The following CXCR2 variants were observed in gnomAD, a reference collection of about 807,000 sequenced individuals.
CXCR2 encodes the protein C-X-C chemokine receptor type 2.
CXCR2 carries 2 observed loss-of-function variants against 3.7 expected under a neutral mutation model. That is an observed-to-expected ratio of 0.55 (90% CI 0.22 to 1.72). The LOEUF is 1.72. CXCR2 is among the 40% of genes most tolerant of loss of function. The pLI, the probability that CXCR2 is intolerant of heterozygous loss-of-function variation, is 0.19. For missense variants in CXCR2, 351 were observed against 450.1 expected (o/e 0.78, Z 1.99); for synonymous variants, 203 against 193.3 (o/e 1.05, Z -0.41).
At chr2:218,133,583 G>A (rs558097370) in intron 2 of CXCR2, among the ~76,000 whole-genome samples, 1 of 152,194 alleles carries the variant, frequency 6.6e-6, no homozygotes, top group African/African-American at 2.4e-5. Flanking sequence ...ACAGGTGTGA[G>A]CCACCACTGG....
chr2:218,128,457 G>T (rs1208460236), intron 1 of CXCR2, among the ~76,000 whole-genome samples: 1 of 152,158 alleles, frequency 6.6e-6, no homozygotes, highest in Non-Finnish European at 1.5e-5. Flanking sequence ...TTGAGGTGTT[G>T]TTCACTGGGG....
In CXCR2 at chr2:218,135,743, C is replaced by G; in HGVS notation, c.942C>G (p.Tyr314Ter). The G allele has an allele frequency of 6.2e-7, 1 of 1,614,078 alleles. No homozygotes were observed. Among genetic ancestry groups the G allele is most frequent in the Non-Finnish European group, 8.5e-7 (1 of 1,180,006 alleles). The change falls in exon 3 of 3, where the codon TAC becomes TAG. Residue 314 changes from tyrosine to a stop codon, truncating the protein, a stop_gained. Transcript: ENST00000318507. LOFTEE classifies it high-confidence loss of function. The surrounding 1 kb of genome is among the most constrained non-coding windows in gnomAD (Gnocchi z 4.0). ...ILHSCLNPLI[Y>*]AFIGQKFRHG... ...ACAGCTGCCTCAACCCCCTCATCTA[C>G]GCCTTCATTGGCCAGAAGTTTCGCC...
At position 218,137,231 on chromosome 2, in the gene CXCR2, C is replaced by T. The variant is rs992741558; in HGVS notation, c.*1347C>T. Reference sequence around the variant, plus strand: ...CATTCAATATCTTTTTTTTAATAAACCATTTTTACTTGGGTGTTTATATTA... The same window carrying T: ...CATTCAATATCTTTTTTTTAATAAATCATTTTTACTTGGGTGTTTATATTA... On this transcript the variant is annotated 3_prime_UTR_variant, in exon 3 of 3. Coordinates refer to ENST00000318507, the MANE Select transcript of CXCR2 (RefSeq NM_001557.4). 1 of 166,786 alleles carries T rather than the reference C, an allele frequency of 6.0e-6. No individual in the cohort carries two copies. Among genetic ancestry groups the T allele is most frequent in the Non-Finnish European group, 1.5e-5 (1 of 68,048 alleles). 10.3% of individuals were successfully genotyped at this position (166,786 alleles called of 1,614,324 possible).
At chr2:218,132,921 ACT>A (rs776519079) in intron 2 of CXCR2, among the ~76,000 whole-genome samples, 19 of 152,042 alleles carry the variant, frequency 1.2e-4, no homozygotes, top group Non-Finnish European at 7.4e-5. Context: ...TCATGTGGTA[ACT>A]CTATGTTTAA....
At chr2:218,127,482 G>T (rs530608844) in intron 1 of CXCR2, among the ~76,000 whole-genome samples, 89 of 152,252 alleles carry the variant, frequency 5.8e-4, no homozygotes, top group Non-Finnish European at 6.5e-4. Context: ...CCATGGAAAT[G>T]AAATTGACCT....
chr2:218,126,816 T>G (rs1022539345), intron 1 of CXCR2, among the ~76,000 whole-genome samples: 2 of 126,656 alleles, frequency 1.6e-5, no homozygotes, highest in Non-Finnish European at 3.3e-5. Flanking sequence ...CTCAGCTAAT[T>G]TTTTGGGTTT....
In CXCR2 at chr2:218,126,069, G is replaced by A. The variant is rs1026389693; in HGVS notation, c.-362G>A. On this transcript the variant is annotated 5_prime_UTR_variant, in exon 1 of 3. Transcript: ENST00000318507. ...TAGACAAATCTCCACCTTCAGACTGGTAGGCTCCTCCAGAAGCCATCAGAC... is the reference window on the plus strand; with the variant it reads ...TAGACAAATCTCCACCTTCAGACTGATAGGCTCCTCCAGAAGCCATCAGAC... 1.3e-5 allele frequency: 2 copies of A among 152,270 alleles called. No individual in the cohort carries two copies. The highest frequency in any genetic ancestry group is 4.8e-5 in the African/African-American group (2 of 41,430). 9.4% of individuals were successfully genotyped at this position (152,270 alleles called of 1,614,324 possible).
At chr2:218,126,890 G>A (rs1445897507) in intron 1 of CXCR2, among the ~76,000 whole-genome samples, 2 of 152,168 alleles carry the variant, frequency 1.3e-5, no homozygotes, top group African/African-American at 4.8e-5. Flanking sequence ...TGCCCAGGCT[G>A]ATCTCAAACT....
Position 218,135,256 on chromosome 2 carries a change from C to T in CXCR2, c.455C>T (p.Thr152Ile). The T allele has an allele frequency of 1.2e-6, 2 of 1,614,214 alleles. No individual in the cohort carries two copies. Among genetic ancestry groups the T allele is most frequent in the Non-Finnish European group, 1.7e-6 (2 of 1,180,044 alleles). Residue 152 changes from threonine to isoleucine, a missense_variant, in exon 3 of 3, where the codon ACA becomes ATA. Transcript: ENST00000318507. The surrounding 1 kb of genome is among the most constrained non-coding windows in gnomAD (Gnocchi z 4.0). ...CGTTACCTGGCCATTGTCCATGCCA[C>T]ACGCACACTGACCCAGAAGCGCTAC... ...VDRYLAIVHA[T>I]RTLTQKRYLV...
chr2:218,130,368 C>T (rs1190832805), intron 2 of CXCR2, among the ~76,000 whole-genome samples: 4 of 151,850 alleles, frequency 2.6e-5, no homozygotes, highest in Non-Finnish European at 5.9e-5. Flanking sequence ...TGCAGTGAGC[C>T]GAGATCACGC....
Position 218,135,390 on chromosome 2 carries a change from T to C in CXCR2, c.589T>C (p.Tyr197His). The change falls in exon 3 of 3, where the codon TAT becomes CAT. Residue 197 changes from tyrosine to histidine, a missense_variant. Physicochemically the swap from Tyr to His is moderately conservative, Grantham distance 83. Coordinates refer to ENST00000318507, the MANE Select transcript of CXCR2 (RefSeq NM_001557.4). The surrounding 1 kb of genome is among the most constrained non-coding windows in gnomAD (Gnocchi z 4.0). ...VYSSNVSPACYEDMGNNTANW... is the reference protein window; with the variant it reads ...VYSSNVSPACHEDMGNNTANW... ...CTCATCCAATGTTAGCCCAGCCTGC[T>C]ATGAGGACATGGGCAACAATACAGC... is the stretch of plus-strand genomic sequence containing the variant. The C allele has an allele frequency of 6.2e-7, 1 of 1,614,228 alleles. No homozygotes were observed.
chr2:218,129,008 C>T (rs1038189020), intron 1 of CXCR2, among the ~76,000 whole-genome samples: 13 of 152,194 alleles, frequency 8.5e-5, no homozygotes, highest in African/African-American at 2.7e-4. Context: ...AAGGAGCCAG[C>T]GGCTCTGAGA....
chr2:218,129,155 T>C (rs915382879), intron 1 of CXCR2, 159 bp from the exon 2 acceptor site: 1 of 152,302 alleles, frequency 6.6e-6, no homozygotes, highest in African/African-American at 2.4e-5. Flanking sequence ...TACGAGTCTA[T>C]GAAATGACTA....
chr2:218,135,331 C>A lies in CXCR2; in HGVS notation c.530C>A (p.Ala177Asp), dbSNP rs1690760163. 6.2e-7 allele frequency: 1 copy of A among 1,614,200 alleles called. No individual in the cohort carries two copies. The highest frequency in any genetic ancestry group is 8.5e-7 in the Non-Finnish European group (1 of 1,180,048). The change falls in exon 3 of 3, where the codon GCC (alanine) becomes GAC (aspartate). Residue 177 changes from alanine (A) to aspartate (D), a missense_variant. Transcript: ENST00000318507. This position sits in a 1 kb window ranked among gnomAD's most constrained non-coding sequence, Gnocchi z 4.0. Reference protein sequence around the residue: ...LSIWGLSLLLALPVLLFRRTV... With the variant: ...LSIWGLSLLLDLPVLLFRRTV... ...ATCTGGGGTCTGTCCTTGCTCCTGG[C>A]CCTGCCTGTCTTACTTTTCCGAAGG...
At position 218,129,332 on chromosome 2, in the gene CXCR2, G is replaced by C. The variant is rs201386473; in HGVS notation, c.-59G>C. ...TTCATAGGTCACAGCTGCTCTTCTG[G>C]AGGTGTCCTACAGGTGAAAAGCCCA... On this transcript the variant is annotated 5_prime_UTR_variant, in exon 2 of 3. Coordinates refer to ENST00000318507, the MANE Select transcript of CXCR2 (RefSeq NM_001557.4). The C allele has an allele frequency of 1.3e-5, 2 of 152,342 alleles. No individual in the cohort carries two copies. Among genetic ancestry groups the C allele is most frequent in the Non-Finnish European group, 2.9e-5 (2 of 68,090 alleles). The allele number at this position is 152,342 out of a possible 1,614,324, so 9.4% of individuals were successfully genotyped here. A position where few individuals can be genotyped will look rare whatever the true frequency, so the allele number is the denominator to read the frequency against.
Position 218,135,187 on chromosome 2 carries a change from A to G in CXCR2, c.386A>G (p.Asn129Ser). The change falls in exon 3 of 3, where the codon AAC (asparagine) becomes AGC (serine). Residue 129 changes from asparagine to serine, a missense_variant. Physicochemically the swap from Asn to Ser is conservative, Grantham distance 46. Transcript: ENST00000318507. The surrounding 1 kb of genome is among the most constrained non-coding windows in gnomAD (Gnocchi z 4.0). ...CKVVSLLKEV[N>S]FYSGILLLAC... Reference sequence around the variant, plus strand: ...GTGGTCTCACTCCTGAAGGAAGTCAACTTCTATAGTGGCATCCTGCTACTG... The same window carrying G: ...GTGGTCTCACTCCTGAAGGAAGTCAGCTTCTATAGTGGCATCCTGCTACTG... The G allele has an allele frequency of 1.9e-6, 3 of 1,614,202 alleles. No homozygotes were observed. Among genetic ancestry groups the G allele is most frequent in the Non-Finnish European group, 2.5e-6 (3 of 1,180,034 alleles).
rs199884990 is a variant in CXCR2 at position 218,136,956 on chromosome 2, G to C, written c.*1072G>C. 4 of 167,206 alleles carry C rather than the reference G, an allele frequency of 2.4e-5. No homozygotes were observed. Among genetic ancestry groups the C allele is most frequent in the Non-Finnish European group, 5.9e-5 (4 of 68,116 alleles). The allele number at this position is 167,206 out of a possible 1,614,324, so 10.4% of individuals were successfully genotyped here. A position where few individuals can be genotyped will look rare whatever the true frequency, so the allele number is the denominator to read the frequency against. On this transcript the variant is annotated 3_prime_UTR_variant, in exon 3 of 3. Coordinates refer to ENST00000318507, the MANE Select transcript of CXCR2 (RefSeq NM_001557.4). ...AGGGGAGGGGAGCATGGGAAGTGAC[G>C]GTTTAATGGGCACAGGGTTTATGTT...
chr2:218,128,814 A>T (rs927951156), intron 1 of CXCR2, among the ~76,000 whole-genome samples: 1 of 152,202 alleles, frequency 6.6e-6, no homozygotes, highest in Non-Finnish European at 1.5e-5. Context: ...GGGGCCAAGA[A>T]GTAGAGGCAT....
rs11574751 is a variant in CXCR2 at position 218,135,842 on chromosome 2, C to T, written c.1041C>T (p.Ser347=). The T allele has an allele frequency of 4.8e-3, 7,705 of 1,613,680 alleles. 313 individuals carry two copies. The African/African-American group carries it at 0.088, about 18-fold the overall frequency. The part of the protein sequence containing the change: ...KDSLPKDSRP[S]FVGSSSGHTS... The stretch of plus-strand genomic sequence containing the variant: ...CCCTGCCCAAAGACAGCAGGCCTTC[C>T]TTTGTTGGCTCTTCTTCAGGGCACA... Residue 347 remains serine (S), a synonymous_variant, in exon 3 of 3, where the codon TCC becomes TCT. Transcript: ENST00000318507. The surrounding 1 kb of genome is among the most constrained non-coding windows in gnomAD (Gnocchi z 4.0).
Sources: allele counts gnomAD v4.1 joint callset (sites outside exome capture counted in the v4.1 genomes callset), GRCh38; gene constraint gnomAD v4.1.1; non-coding constraint Gnocchi (gnomAD v3.1); transcripts MANE v1.5; gene names NCBI Gene and HGNC (gene_info 2026-07-23, HGNC 2026-07-21).